The following AFAP1 variants were observed in gnomAD, a reference collection of about 807,000 sequenced individuals.
AFAP1 encodes the protein actin filament associated protein 1.
Under a neutral mutation model 93.9 loss-of-function variants are expected in AFAP1, and 75 were observed. That is an observed-to-expected ratio of 0.80 (90% CI 0.66 to 0.97). AFAP1 has a LOEUF of 0.97. Among genes scored for constraint, AFAP1 ranks in the 50% least tolerant of loss-of-function variants. The pLI, the probability that AFAP1 is intolerant of heterozygous loss-of-function variation, is 0.00. For missense variants in AFAP1, 1,201 were observed against 1,050.8 expected, an observed-to-expected ratio of 1.14 and a Z score of -1.98; for synonymous variants, 517 against 430.7, an observed-to-expected ratio of 1.20 and a Z score of -2.48.
chr4:7,931,181 A>C (rs1721043051), intron 1 of AFAP1, among the ~76,000 whole-genome samples: 1 of 152,188 alleles, frequency 6.6e-6, no homozygotes, highest in African/African-American at 2.4e-5. Flanking sequence ...ATCTAGAAGA[A>C]TGAGCTAAAA....
chr4:7,865,181 G>T (rs1560208396), intron 3 of AFAP1, among the ~76,000 whole-genome samples: 1 of 152,180 alleles, frequency 6.6e-6, no homozygotes, highest in South Asian at 2.1e-4. Flanking sequence ...ACACACCAAA[G>T]AATGTGGCCC....
chr4:7,774,093 T>C (rs148378779), intron 15 of AFAP1: 1 of 152,452 alleles, frequency 6.6e-6, no homozygotes. Context: ...AGGTAAGCGG[T>C]GCCACCCCAG....
chr4:7,823,849 C>T (rs891715321), intron 6 of AFAP1, among the ~76,000 whole-genome samples: 2 of 152,216 alleles, frequency 1.3e-5, no homozygotes, highest in African/African-American at 4.8e-5. Flanking sequence ...GGCCCAGGAT[C>T]AACCTGGTGC....
chr4:7,867,111 G>GGGAGGGGAGGGGAGGGGAGC (rs1716502143), intron 3 of AFAP1, among the ~76,000 whole-genome samples: 2 of 90,122 alleles, frequency 2.2e-5, no homozygotes, highest in African/African-American at 7.1e-5. Context: ...GGGAGTAGAG[G>GGGAGGGGAGGGGAGGGGAGC]GGAGGGGAGG....
At chr4:7,792,292 C>T (rs879521215) in intron 11 of AFAP1, among the ~76,000 whole-genome samples, 1 of 152,114 alleles carries the variant, frequency 6.6e-6, no homozygotes, top group African/African-American at 2.4e-5. Flanking sequence ...GATCTTTCCC[C>T]AAGCATGACT....
At chr4:7,901,720 G>T (rs1235190480) in intron 1 of AFAP1, among the ~76,000 whole-genome samples, 2 of 152,214 alleles carry the variant, frequency 1.3e-5, no homozygotes, top group Non-Finnish European at 2.9e-5. Flanking sequence ...ATGTGGACAG[G>T]GGGCTGAACT....
At chr4:7,844,172 A>G (rs1433058516) in intron 4 of AFAP1, among the ~76,000 whole-genome samples, 1 of 126,502 alleles carries the variant, frequency 7.9e-6, no homozygotes, top group Non-Finnish European at 1.9e-5. Flanking sequence ...CAAGTGTTGA[A>G]GCTCTAACCA....
intron 1 of AFAP1, among the ~76,000 whole-genome samples, chr4:7,887,361 A>T (rs113795615): frequency 0.021 from 3,163 of 152,322 alleles, 112 homozygotes; most frequent in African/African-American, 0.072. Flanking sequence ...AGTTAGAGAC[A>T]AGCAGTACGC....
chr4:7,901,378 G>C lies in AFAP1; in HGVS notation c.-2-29298C>G, dbSNP rs947863104. On this transcript the variant is annotated intron_variant, in intron 1 of 17. Coordinates refer to ENST00000420658, the MANE Select transcript of AFAP1 (RefSeq NM_001134647.2). ...TCCACCGAAGATTAAAATATGCAGAGCACCATGATAAAGACGCCTCCATCA... is the reference window on the plus strand; with the variant it reads ...TCCACCGAAGATTAAAATATGCAGACCACCATGATAAAGACGCCTCCATCA... Among the ~76,000 whole-genome samples the C allele has an allele frequency of 4.6e-5, 7 of 152,254 alleles. No individual in the cohort carries two copies. In the East Asian group the frequency reaches 1.4e-3, roughly 29 times the overall value.
At chr4:7,855,787 T>A (rs1258759714) in intron 3 of AFAP1, among the ~76,000 whole-genome samples, 1 of 152,218 alleles carries the variant, frequency 6.6e-6, no homozygotes, top group East Asian at 1.9e-4. Flanking sequence ...CCTGGCCACA[T>A]GCCGTCCAGT....
chr4:7,785,166 G>A (rs1278025977), intron 12 of AFAP1, among the ~76,000 whole-genome samples: 1 of 152,168 alleles, frequency 6.6e-6, no homozygotes, highest in Non-Finnish European at 1.5e-5. Flanking sequence ...GCCTGGATCA[G>A]GCAGGATGCT....
intron 1 of AFAP1, among the ~76,000 whole-genome samples, chr4:7,919,280 T>C (rs1720303614): frequency 1.3e-5 from 2 of 152,118 alleles, no homozygotes; most frequent in South Asian, 4.1e-4. Context: ...GGCTAGCAAA[T>C]GCAAAACAGA....
chr4:7,841,430 A>G (rs1320533373), intron 5 of AFAP1, among the ~76,000 whole-genome samples: 1 of 152,246 alleles, frequency 6.6e-6, no homozygotes, highest in Non-Finnish European at 1.5e-5. Flanking sequence ...TCAGTCCTGA[A>G]GCGGGAATCT....
intron 6 of AFAP1, among the ~76,000 whole-genome samples, chr4:7,825,223 G>C (rs1721318722): frequency 6.6e-6 from 1 of 152,130 alleles, no homozygotes; most frequent in Non-Finnish European, 1.5e-5. Context: ...ATCATAACGA[G>C]TTAATGGTAT....
At chr4:7,804,756 G>A (rs183996018) in intron 9 of AFAP1, among the ~76,000 whole-genome samples, 12 of 152,288 alleles carry the variant, frequency 7.9e-5, no homozygotes, top group African/African-American at 2.9e-4. Context: ...GTTACATGTG[G>A]CCAAAACGTT....
At chr4:7,852,995 A>G in intron 4 of AFAP1, among the ~76,000 whole-genome samples, 1 of 152,174 alleles carries the variant, frequency 6.6e-6, no homozygotes, top group East Asian at 1.9e-4. Context: ...GGCAATGGTG[A>G]ATCACGTTAG....
chr4:7,921,180 A>AATT (rs1355925693), intron 1 of AFAP1, among the ~76,000 whole-genome samples: 1 of 68,236 alleles, frequency 1.5e-5, no homozygotes, highest in African/African-American at 1.1e-4. Context: ...TGAGAGCAAA[A>AATT]CTTTTTTTTT....
At chr4:7,800,936 G>T (rs1273231110) in intron 9 of AFAP1, among the ~76,000 whole-genome samples, 2 of 152,202 alleles carry the variant, frequency 1.3e-5, no homozygotes, top group African/African-American at 4.8e-5. Context: ...GTTGATGTGG[G>T]ACTATGGAAT....
intron 9 of AFAP1, among the ~76,000 whole-genome samples, chr4:7,805,396 A>G (rs1719416771): frequency 2.0e-5 from 3 of 152,112 alleles, no homozygotes; most frequent in African/African-American, 7.2e-5. Flanking sequence ...CCTTTCTCTC[A>G]GTCTCTCCGT....
Sources: gnomAD v4.1 joint callset for allele counts (sites outside exome capture counted in the v4.1 genomes callset) on GRCh38, gnomAD v4.1.1 for gene constraint, MANE v1.5 for transcripts, NCBI Gene and HGNC (gene_info 2026-07-23, HGNC 2026-07-21) for gene names.